MORN3: variants seen among roughly 807,000 people sequenced by gnomAD.
The protein encoded by MORN3 is MORN repeat containing 3, also known as MORN repeat-containing protein 3.
MORN3 carries 38 observed loss-of-function variants against 34.7 expected under a neutral mutation model. The observed-to-expected ratio is 1.10, with a 90% CI of 0.85 to 1.44. The LOEUF (loss-of-function observed/expected upper bound fraction) is 1.44. MORN3 is among the 40% of genes most tolerant of loss of function. The pLI, the probability that MORN3 is intolerant of heterozygous loss-of-function variation, is 0.00. For missense variants in MORN3, 311 were observed against 321.7 expected, an observed-to-expected ratio of 0.97 and a Z score of 0.25; for synonymous variants, 109 against 115.3, an observed-to-expected ratio of 0.95 and a Z score of 0.35.
chr12:121,657,111 C>T (rs1893437445), intron 2 of MORN3, among the ~76,000 whole-genome samples: 1 of 152,158 alleles, frequency 6.6e-6, no homozygotes, highest in African/African-American at 2.4e-5. Flanking sequence ...TGTCCATGTC[C>T]ATTCCTGGGC....
chr12:121,661,018 C>T (rs1242532497), intron 1 of MORN3, among the ~76,000 whole-genome samples: 2 of 151,926 alleles, frequency 1.3e-5, no homozygotes, highest in East Asian at 1.9e-4. Flanking sequence ...GCTATGCTGA[C>T]GTACACAGCT....
At chr12:121,652,647 C>T in intron 5 of MORN3, 81 bp downstream of exon 5, 1 of 1,363,256 alleles carries the variant, frequency 7.3e-7, no homozygotes, top group Non-Finnish European at 1.0e-6. Flanking sequence ...CCTTTGGAGA[C>T]CCCAGGAGAT....
intron 1 of MORN3, among the ~76,000 whole-genome samples, chr12:121,660,191 G>C (rs934145417): frequency 7.1e-6 from 1 of 141,508 alleles, no homozygotes; most frequent in East Asian, 2.7e-4. Context: ...CCGAGATGAC[G>C]TCGTTGCAGT....
Position 121,653,095 on chromosome 12 carries a change from T to C in MORN3, c.628A>G (p.Thr210Ala), listed in dbSNP as rs1893297915. ...CCCACCTCAGGAATGGGGAACTGAG[T>C]GGGCTCAGGGGCCTCGTCACGGCCA... ...DFGRDEAPEP[T>A]QFPIPEVKIL... is the part of the protein sequence containing the mutation. The change falls in exon 4 of 6, where the codon ACT (threonine) becomes GCT (alanine). Residue 210 changes from threonine (T) to alanine (A), a missense_variant. Physicochemically the swap from Thr to Ala is moderately conservative, Grantham distance 58. Coordinates refer to ENST00000355329, the MANE Select transcript of MORN3 (RefSeq NM_173855.5). 1 of 1,612,560 alleles carries C rather than the reference T, an allele frequency of 6.2e-7. No individual in the cohort carries two copies. Among genetic ancestry groups the C allele is most frequent in the African/African-American group, 1.3e-5 (1 of 74,844 alleles).
chr12:121,652,052 C>T (rs1256378717), intron 5 of MORN3, among the ~76,000 whole-genome samples: 1 of 151,858 alleles, frequency 6.6e-6, no homozygotes, highest in Non-Finnish European at 1.5e-5. Flanking sequence ...TTCTCTGCCT[C>T]AGCCTCCTGA....
upstream of MORN3, chr12:121,669,667 G>T (rs921820782): frequency 3.8e-6 from 3 of 797,134 alleles, no homozygotes; most frequent in Admixed American, 6.0e-5. Flanking sequence ...CCTTTGGTTG[G>T]CCCCTCCCTT....
In MORN3 at chr12:121,649,862, C is replaced by CTTTTTTT. The variant is rs566839152; in HGVS notation, c.*1782_*1788dup. On this transcript the variant is annotated 3_prime_UTR_variant, in exon 6 of 6. Coordinates refer to ENST00000355329, the MANE Select transcript of MORN3 (RefSeq NM_173855.5). ...TAGTTGGGATTACAGGTGCTGAATTCTTTTTTTTTTTTTTTTTTGTAGCAT... is the reference window on the plus strand; with the variant it reads ...TAGTTGGGATTACAGGTGCTGAATTCTTTTTTTTTTTTTTTTTTTTTTTTTGTAGCAT... The CTTTTTTT allele has an allele frequency of 8.3e-6, 1 of 120,926 alleles. No homozygotes were observed. The highest frequency in any genetic ancestry group is 1.7e-5 in the Non-Finnish European group (1 of 57,838). The allele number at this position is 120,926 out of a possible 1,614,324, so 7.5% of individuals were successfully genotyped here. A position where few individuals can be genotyped will look rare whatever the true frequency, so the allele number is the denominator to read the frequency against.
Position 121,650,326 on chromosome 12 carries a change from C to CGAGACCGTCCTGGCCAACATGGT in MORN3, c.*1302_*1324dup, listed in dbSNP as rs1893222645. The CGAGACCGTCCTGGCCAACATGGT allele has an allele frequency of 6.6e-6, 1 of 151,684 alleles. No homozygotes were observed. The highest frequency in any genetic ancestry group is 2.1e-4 in the South Asian group (1 of 4,800). The allele number at this position is 151,684 out of a possible 1,614,324, so 9.4% of individuals were successfully genotyped here. A position where few individuals can be genotyped will look rare whatever the true frequency, so the allele number is the denominator to read the frequency against. ...CGGGCAGATCACGAGGTCAGGAGATCGAGACCGTCCTGGCCAACATGGTGA... is the reference window on the plus strand; with the variant it reads ...CGGGCAGATCACGAGGTCAGGAGATCGAGACCGTCCTGGCCAACATGGTGAGACCGTCCTGGCCAACATGGTGA... On this transcript the variant is annotated 3_prime_UTR_variant, in exon 6 of 6. Coordinates refer to ENST00000355329, the MANE Select transcript of MORN3 (RefSeq NM_173855.5).
upstream of MORN3, among the ~76,000 whole-genome samples, chr12:121,669,829 TATA>T (rs1386055914): frequency 0.015 from 1,830 of 118,210 alleles, 61 homozygotes; most frequent in African/African-American, 0.063. Context: ...TATATATATA[TATA>T]TTTTTTTTTT....
Position 121,651,181 on chromosome 12 carries a change from G to A in MORN3, c.*470C>T, listed in dbSNP as rs938148869. The A allele has an allele frequency of 2.0e-5, 3 of 151,132 alleles. No homozygotes were observed. Among genetic ancestry groups the A allele is most frequent in the East Asian group, 1.9e-4 (1 of 5,146 alleles). 9.4% of individuals were successfully genotyped at this position (151,132 alleles called of 1,614,324 possible). On this transcript the variant is annotated 3_prime_UTR_variant, in exon 6 of 6. Coordinates refer to ENST00000355329, the MANE Select transcript of MORN3 (RefSeq NM_173855.5). ...TTGCTATGTTGCCTAAGCTGGTCTC[G>A]AACTCCTGGCCTCAGGCAGTCCTCT...
At chr12:121,659,418 G>T in intron 1 of MORN3, 70 bp from the exon 2 acceptor site, 1 of 1,564,562 alleles carries the variant, frequency 6.4e-7, no homozygotes, top group Non-Finnish European at 8.7e-7. Context: ...GCCTGCCTGA[G>T]CCTCAGGGGC....
At chr12:121,666,715 T>G (rs1893766876) in intron 1 of MORN3, among the ~76,000 whole-genome samples, 1 of 151,980 alleles carries the variant, frequency 6.6e-6, no homozygotes, top group African/African-American at 2.4e-5. Flanking sequence ...TATGGGGTGC[T>G]TCGTTCTCCT....
intron 1 of MORN3, among the ~76,000 whole-genome samples, chr12:121,660,636 A>G (rs1297421397): frequency 4.2e-5 from 6 of 143,870 alleles, no homozygotes; most frequent in African/African-American, 1.6e-4. Flanking sequence ...GGCATGAGCC[A>G]CCGCACCCGG....
chr12:121,649,052 G>GATTCTCCT lies in MORN3; in HGVS notation c.*2591_*2598dup, dbSNP rs1893194765. 1 of 151,876 alleles carries GATTCTCCT rather than the reference G, an allele frequency of 6.6e-6. No individual in the cohort carries two copies. Among genetic ancestry groups the GATTCTCCT allele is most frequent in the African/African-American group, 2.4e-5 (1 of 41,304 alleles). The allele number at this position is 151,876 out of a possible 1,614,324, so 9.4% of individuals were successfully genotyped here. ...CTACCTCCGCCTCCTGGGTTCAAGTGATTCTCCTGCCTCAGCCTCCTGAGT... is the reference window on the plus strand; with the variant it reads ...CTACCTCCGCCTCCTGGGTTCAAGTGATTCTCCTATTCTCCTGCCTCAGCCTCCTGAGT... On this transcript the variant is annotated 3_prime_UTR_variant, in exon 6 of 6. Transcript: ENST00000355329.
At chr12:121,654,204 A>C in intron 3 of MORN3, 70 bp downstream of exon 3, 5 of 1,328,278 alleles carry the variant, frequency 3.8e-6, no homozygotes, top group Non-Finnish European at 4.1e-6. Flanking sequence ...TGTGGGACCA[A>C]ATGGGCGTGG....
intron 1 of MORN3, among the ~76,000 whole-genome samples, chr12:121,664,230 C>T (rs1197648084): frequency 6.6e-6 from 1 of 152,174 alleles, no homozygotes; most frequent in African/African-American, 2.4e-5. Flanking sequence ...GCTGAACTTG[C>T]ATTACTGAAG....
At chr12:121,655,143 T>C (rs1311387091) in intron 2 of MORN3, among the ~76,000 whole-genome samples, 1 of 150,672 alleles carries the variant, frequency 6.6e-6, no homozygotes, top group Non-Finnish European at 1.5e-5. Context: ...AGGTCAGGAG[T>C]TTGAGACCAG....
intron 3 of MORN3, among the ~76,000 whole-genome samples, chr12:121,653,600 C>T (rs1555325360): frequency 1.3e-5 from 2 of 152,026 alleles, no homozygotes; most frequent in East Asian, 1.9e-4. Flanking sequence ...CTCCGCCTCC[C>T]GAGTTCAAGT....
upstream of MORN3, chr12:121,669,668 C>A: frequency 2.5e-6 from 2 of 785,950 alleles, no homozygotes; most frequent in Non-Finnish European, 3.9e-6. Context: ...CTTTGGTTGG[C>A]CCCTCCCTTG....
Sources: gnomAD v4.1 joint callset for allele counts (sites outside exome capture counted in the v4.1 genomes callset) on GRCh38, gnomAD v4.1.1 for gene constraint, MANE v1.5 for transcripts, NCBI Gene and HGNC (gene_info 2026-07-23, HGNC 2026-07-21) for gene names.